GAK: variants seen among roughly 807,000 people sequenced by gnomAD.
GAK encodes the protein cyclin-G-associated kinase.
A neutral mutation model predicts 143.9 loss-of-function variants in GAK; 79 were observed. That is an observed-to-expected ratio of 0.55 (90% CI 0.46 to 0.66). GAK has a LOEUF of 0.66. GAK is among the 30% of genes least tolerant of loss of function. The probability of loss-of-function intolerance (pLI) is 0.00; values close to 1 mark genes in which losing one functional copy is unlikely to be tolerated. For missense variants in GAK, 1,693 were observed against 1,779.7 expected (o/e 0.95, Z 0.88); for synonymous variants, 881 against 765.5 (o/e 1.15, Z -2.49).
chr4:866,650 A>G, intron 21 of GAK, 116 bp from the exon 22 acceptor site: 1 of 1,144,284 alleles, frequency 8.7e-7, no homozygotes, highest in Non-Finnish European at 1.2e-6. Flanking sequence ...CCCAGACCCC[A>G]CGGCTGCCCT....
Position 932,276 on chromosome 4 carries a change from C to G in GAK, c.-89G>C. 1.4e-6 allele frequency: 2 copies of G among 1,417,228 alleles called. No homozygotes were observed. The highest frequency in any genetic ancestry group is 1.5e-5 in the South Asian group (1 of 65,840). The allele number at this position is 1,417,228 out of a possible 1,614,324, so 87.8% of individuals were successfully genotyped here. A position where few individuals can be genotyped will look rare whatever the true frequency, so the allele number is the denominator to read the frequency against. On this transcript the variant is annotated 5_prime_UTR_variant, in exon 1 of 28. Coordinates refer to ENST00000314167, the MANE Select transcript of GAK (RefSeq NM_005255.4). This position sits in a 1 kb window ranked among gnomAD's most constrained non-coding sequence, Gnocchi z 4.0. Reference sequence around the variant, plus strand: ...CCGTCCGGGTCAGCTCAGCAACCGCCGGCCCGGAGGTGCACCATCTTCCGC... The same window carrying G: ...CCGTCCGGGTCAGCTCAGCAACCGCGGGCCCGGAGGTGCACCATCTTCCGC...
chr4:917,819 TAATA>T (rs1365902958), intron 1 of GAK, among the ~76,000 whole-genome samples: 1 of 152,134 alleles, frequency 6.6e-6, no homozygotes, highest in Non-Finnish European at 1.5e-5. Flanking sequence ...AATATTTAAA[TAATA>T]AATAAATCTG....
intron 23 of GAK, among the ~76,000 whole-genome samples, chr4:864,881 G>A (rs1750879183): frequency 6.6e-6 from 1 of 152,228 alleles, no homozygotes; most frequent in Admixed American, 6.5e-5. Flanking sequence ...CTGATGCTCA[G>A]GAGCCACTGC....
Position 851,961 on chromosome 4 carries a change from T to G in GAK, c.3297A>C (p.Gly1099=). Residue 1099 remains glycine (G), a synonymous_variant, in exon 25 of 28, where the codon GGA becomes GGC. Transcript: ENST00000314167. ...TGGGAATGAAGCCCCCAGGAGGGAATCCAGCTGGTGAGCCTGTGGAGATGG... is the reference window on the plus strand; with the variant it reads ...TGGGAATGAAGCCCCCAGGAGGGAAGCCAGCTGGTGAGCCTGTGGAGATGG... ...LSSGLQGSPA[G]FPPGGFIPKT... is the part of the protein sequence containing the mutation. 6.2e-7 allele frequency: 1 copy of G among 1,613,546 alleles called. No individual in the cohort carries two copies. Among genetic ancestry groups the G allele is most frequent in the Non-Finnish European group, 8.5e-7 (1 of 1,179,762 alleles).
At chr4:891,661 G>A (rs538587188) in intron 9 of GAK, among the ~76,000 whole-genome samples, 21 of 152,118 alleles carry the variant, frequency 1.4e-4, no homozygotes, top group African/African-American at 4.6e-4. Context: ...ACCTCCTCCC[G>A]CCCCATCAAG....
At chr4:860,538 A>G (rs1016908977) in intron 23 of GAK, among the ~76,000 whole-genome samples, 7 of 152,224 alleles carry the variant, frequency 4.6e-5, no homozygotes, top group African/African-American at 1.7e-4. Context: ...ACTCAAACTA[A>G]GAGTCAACCT....
At chr4:893,742 G>T in intron 8 of GAK, 132 bp downstream of exon 8, 1 of 1,133,804 alleles carries the variant, frequency 8.8e-7, no homozygotes, top group Non-Finnish European at 1.2e-6. Flanking sequence ...CCCCAGGGAT[G>T]TTGTCAAAAC....
intron 1 of GAK, among the ~76,000 whole-genome samples, chr4:920,947 T>C (rs1188530085): frequency 9.9e-5 from 15 of 152,226 alleles, no homozygotes; most frequent in Admixed American, 9.8e-4. Flanking sequence ...TCATAATTTT[T>C]AAAGATAGTA....
At chr4:891,785 A>AG (rs1441935854) in intron 9 of GAK, among the ~76,000 whole-genome samples, 1 of 152,084 alleles carries the variant, frequency 6.6e-6, no homozygotes, top group East Asian at 1.9e-4. Flanking sequence ...CCACCAAGCG[A>AG]GGGGGACACG....
intron 24 of GAK, among the ~76,000 whole-genome samples, chr4:857,576 G>A (rs561914906): frequency 2.6e-5 from 4 of 152,146 alleles, no homozygotes; most frequent in South Asian, 4.1e-4. Flanking sequence ...CACGTAAGTC[G>A]TCAAGCATAC....
At chr4:868,374 G>A (rs1448587263) in intron 20 of GAK, among the ~76,000 whole-genome samples, 165 bp downstream of exon 20, 3 of 152,090 alleles carry the variant, frequency 2.0e-5, no homozygotes, top group African/African-American at 4.8e-5. Context: ...TTCTTAGCTC[G>A]TGAGCCATTA....
At chr4:883,195 A>T in intron 13 of GAK, 120 bp downstream of exon 13, 1 of 1,193,200 alleles carries the variant, frequency 8.4e-7, no homozygotes, top group Non-Finnish European at 1.2e-6. Flanking sequence ...GCAGCCCCTC[A>T]GGAGACCTCC....
At chr4:887,281 A>C (rs1241773730) in intron 11 of GAK, 2 of 149,716 alleles carry the variant, frequency 1.3e-5, no homozygotes, top group Non-Finnish European at 3.0e-5. Context: ...ACGTGTACAC[A>C]TGCACGCGGC....
intron 12 of GAK, 152 bp from the exon 13 acceptor site, chr4:883,615 C>T (rs895792428): frequency 8.3e-5 from 70 of 841,022 alleles, no homozygotes; most frequent in East Asian, 6.7e-4. Context: ...CCTCACCCTC[C>T]GTGGACTCCC....
chr4:910,873 G>A (rs369007329), intron 4 of GAK, among the ~76,000 whole-genome samples: 1 of 152,150 alleles, frequency 6.6e-6, no homozygotes, highest in African/African-American at 2.4e-5. Context: ...GGAGGGCATC[G>A]GCACGAGGCA....
rs369382119 is a variant in GAK at position 926,204 on chromosome 4, G to A, written c.145+5839C>T. Among the ~76,000 whole-genome samples the A allele has an allele frequency of 2.2e-3, 331 of 152,286 alleles. 17 individuals are homozygous for A. The South Asian group carries it at 0.06, about 28-fold the overall frequency. On this transcript the variant is annotated intron_variant, in intron 1 of 27. Transcript: ENST00000314167. Reference sequence around the variant, plus strand: ...CCCCAATGGTGAGCCCACCCATGGGGTCCTCCCCAAGAGTGACCTCCCTGT... The same window carrying A: ...CCCCAATGGTGAGCCCACCCATGGGATCCTCCCCAAGAGTGACCTCCCTGT...
chr4:849,834 A>ACCCCCCCCCCTC (rs33919242), intron 27 of GAK, 58 bp downstream of exon 27: 1 of 839,146 alleles, frequency 1.2e-6, no homozygotes, highest in African/African-American at 2.1e-5. Context: ...GCGGGGCAGG[A>ACCCCCCCCCCTC]CCCCCCCCCC....
intron 4 of GAK, among the ~76,000 whole-genome samples, chr4:906,999 T>G (rs2152922238): frequency 6.6e-6 from 1 of 152,346 alleles, no homozygotes; most frequent in East Asian, 1.9e-4. Context: ...ATTCTCTCCC[T>G]GGCTCTTCGA....
At chr4:868,789 G>A in intron 19 of GAK, 104 bp from the exon 20 acceptor site, 1 of 1,176,802 alleles carries the variant, frequency 8.5e-7, no homozygotes, top group African/African-American at 1.5e-5. Flanking sequence ...CCAGCACCGT[G>A]GCAGGCCAGG....
Sources: allele counts gnomAD v4.1 joint callset (sites outside exome capture counted in the v4.1 genomes callset), GRCh38; gene constraint gnomAD v4.1.1; non-coding constraint Gnocchi (gnomAD v3.1); transcripts MANE v1.5; gene names NCBI Gene and HGNC (gene_info 2026-07-23, HGNC 2026-07-21).